MROH1: variants seen among roughly 807,000 people sequenced by gnomAD.
MROH1 encodes maestro heat like repeat family member 1, also known as maestro heat-like repeat-containing protein family member 1.
Under a neutral mutation model 116.5 loss-of-function variants are expected in MROH1, and 117 were observed. The ratio of observed to expected loss-of-function variants is 1.00; its 90% CI spans 0.86 to 1.17. The LOEUF is 1.17. Among genes scored for constraint, MROH1 ranks in the 50% most tolerant of loss-of-function variants. The pLI, the probability that MROH1 is intolerant of heterozygous loss-of-function variation, is 0.00. For synonymous variants in MROH1, 921 were observed against 583.9 expected (o/e 1.58, Z -8.32); for missense variants, 1,873 against 1,338.5 (o/e 1.40, Z -6.23).
At chr8:144,173,309 T>C (rs1822966846) in intron 4 of MROH1, among the ~76,000 whole-genome samples, 2 of 152,036 alleles carry the variant, frequency 1.3e-5, no homozygotes, top group South Asian at 4.1e-4. Flanking sequence ...GGTTTCGCCA[T>C]GTTGGCCAGG....
At position 144,245,213 on chromosome 8, in the gene MROH1, C is replaced by T; in HGVS notation, c.2824C>T (p.Leu942=). The T allele has an allele frequency of 1.3e-6, 1 of 779,198 alleles. No individual in the cohort carries two copies. The highest frequency in any genetic ancestry group is 2.4e-6 in the Non-Finnish European group (1 of 417,792). 48.3% of individuals were successfully genotyped at this position (779,198 alleles called of 1,614,324 possible). A position where few individuals can be genotyped will look rare whatever the true frequency, so the allele number is the denominator to read the frequency against. Residue 942 remains leucine (L), a synonymous_variant, in exon 29 of 44, where the codon CTG becomes TTG. Transcript: ENST00000326134. ...RGHERARALG[L]SALLLRYFLE... ...TCACGAGCGGGCGCGGGCCCTGGGC[C>T]TGAGCGCCCTCCTGCTGCGCTACTT...
intron 1 of MROH1, among the ~76,000 whole-genome samples, chr8:144,155,151 A>G (rs1194593319): frequency 1.3e-5 from 2 of 151,972 alleles, no homozygotes; most frequent in Non-Finnish European, 2.9e-5. Context: ...GGGTTCCTCC[A>G]TGTTGGTCAG....
At chr8:144,226,321 C>G (rs187193463) in intron 14 of MROH1, among the ~76,000 whole-genome samples, 2 of 152,278 alleles carry the variant, frequency 1.3e-5, no homozygotes, top group Non-Finnish European at 2.9e-5. Flanking sequence ...CTTCTCTGTA[C>G]GTTGACAAAT....
At chr8:144,168,152 G>A (rs1821416659) in intron 3 of MROH1, 143 bp from the exon 4 acceptor site, 1 of 986,232 alleles carries the variant, frequency 1.0e-6, no homozygotes, top group Non-Finnish European at 1.4e-6. Flanking sequence ...GGTTATACAA[G>A]AGAGAAAGCA....
chr8:144,177,568 A>G (rs1452911786), intron 4 of MROH1, among the ~76,000 whole-genome samples: 7 of 152,106 alleles, frequency 4.6e-5, no homozygotes, highest in African/African-American at 1.7e-4. Flanking sequence ...TAGCTGTCAG[A>G]GTGGATGAGG....
chr8:144,172,413 C>CTTT (rs1465451668), intron 4 of MROH1, among the ~76,000 whole-genome samples: 3 of 142,998 alleles, frequency 2.1e-5, no homozygotes, highest in Non-Finnish European at 4.6e-5. Flanking sequence ...TTTTTTTTTT[C>CTTT]TTTTTTTTTT....
At chr8:144,245,368 A>C (rs1841710611) in intron 29 of MROH1, 108 bp downstream of exon 29, 2 of 705,964 alleles carry the variant, frequency 2.8e-6, no homozygotes, top group Admixed American at 2.0e-5. Flanking sequence ...CTCAGGCCAC[A>C]GTCCTCTTCC....
chr8:144,234,498 G>T (rs1262407009), intron 14 of MROH1, among the ~76,000 whole-genome samples: 227 of 17,912 alleles, frequency 0.013, 2 homozygotes, highest in South Asian at 0.02. Flanking sequence ...TTTCTTTTTC[G>T]TTTTTTTTTT....
intron 29 of MROH1, among the ~76,000 whole-genome samples, chr8:144,247,036 C>T (rs1360773031): frequency 6.6e-6 from 1 of 152,256 alleles, no homozygotes; most frequent in Non-Finnish European, 1.5e-5. Flanking sequence ...GCCTGGCCCT[C>T]CTTCTTGTAG....
At chr8:144,221,399 C>T (rs372396247) in intron 13 of MROH1, among the ~76,000 whole-genome samples, 3 of 152,094 alleles carry the variant, frequency 2.0e-5, no homozygotes, top group East Asian at 1.9e-4. Context: ...TAGCTTTGGG[C>T]GGGTGGATCT....
At chr8:144,224,773 G>C (rs1485774150) in intron 14 of MROH1, among the ~76,000 whole-genome samples, 6 of 152,218 alleles carry the variant, frequency 3.9e-5, no homozygotes, top group Non-Finnish European at 7.3e-5. Context: ...ACTGTAGAGG[G>C]GGTGAGCGGC....
intron 4 of MROH1, among the ~76,000 whole-genome samples, chr8:144,169,381 C>T (rs894303414): frequency 6.6e-6 from 1 of 151,832 alleles, no homozygotes; most frequent in African/African-American, 2.4e-5. Context: ...CAGGGTCTCT[C>T]CTTTCTTCCT....
At chr8:144,198,746 C>T (rs1830468491) in intron 10 of MROH1, among the ~76,000 whole-genome samples, 1 of 152,174 alleles carries the variant, frequency 6.6e-6, no homozygotes, top group East Asian at 1.9e-4. Flanking sequence ...GGAGACTCTC[C>T]TCTTTAGTCA....
In MROH1 at chr8:144,180,501, G is replaced by C. The variant is rs563760524; in HGVS notation, c.540G>C (p.Thr180=). The C allele has an allele frequency of 1.2e-6, 2 of 1,610,996 alleles. No homozygotes were observed. Among genetic ancestry groups the C allele is most frequent in the African/African-American group, 2.7e-5 (2 of 74,932 alleles). The change falls in exon 7 of 44, where the codon ACG becomes ACC. Residue 180 remains threonine (T), a synonymous_variant. Transcript: ENST00000326134. The surrounding 1 kb of genome is among the most constrained non-coding windows in gnomAD (Gnocchi z 7.4). ...TGCTGGGCGTGGCCAAGCAGGACAC[G>C]GTGCGCGTGGCCTTCTGCTCCGGTA... ...LPVLGVAKQD[T]VRVAFCSALQ...
intron 33 of MROH1, among the ~76,000 whole-genome samples, chr8:144,253,134 A>G (rs1369780960): frequency 6.6e-6 from 1 of 151,746 alleles, no homozygotes; most frequent in African/African-American, 2.4e-5. Flanking sequence ...AGCCTGGGCA[A>G]CAGAGCAAGA....
At chr8:144,192,716 G>A (rs1828952465) in intron 10 of MROH1, 1 of 517,442 alleles carries the variant, frequency 1.9e-6, no homozygotes, top group Admixed American at 2.7e-5. Context: ...CCAGCTGGGG[G>A]AGACTGCCCT....
At chr8:144,172,636 C>G (rs1822787456) in intron 4 of MROH1, among the ~76,000 whole-genome samples, 1 of 152,096 alleles carries the variant, frequency 6.6e-6, no homozygotes, top group South Asian at 2.1e-4. Flanking sequence ...GTCTCGAACT[C>G]CTGACCTTGT....
At chr8:144,153,213 T>TG (rs1221870250) in intron 1 of MROH1, among the ~76,000 whole-genome samples, 1 of 152,100 alleles carries the variant, frequency 6.6e-6, no homozygotes, top group Non-Finnish European at 1.5e-5. Context: ...TTTTTTTTTT[T>TG]GAGATGGAGT....
In MROH1 at chr8:144,259,499, C is replaced by T. The variant is rs1271622131; in HGVS notation, c.4044+145C>T. 7 of 680,162 alleles carry T rather than the reference C, an allele frequency of 1.0e-5. No individual in the cohort carries two copies. The Admixed American group carries it at 1.4e-4, about 14-fold the overall frequency. The allele number at this position is 680,162 out of a possible 1,614,324, so 42.1% of individuals were successfully genotyped here. A position where few individuals can be genotyped will look rare whatever the true frequency, so the allele number is the denominator to read the frequency against. On this transcript the variant is annotated intron_variant, in intron 37 of 43. Transcript: ENST00000326134. ...ATGTGGATGCTAGCTACCTCCTCCC[C>T]CATGCCAGAACTCACTCAGTCCCAC...
Sources: allele counts gnomAD v4.1 joint callset (sites outside exome capture counted in the v4.1 genomes callset), GRCh38; gene constraint gnomAD v4.1.1; non-coding constraint Gnocchi (gnomAD v3.1); transcripts MANE v1.5; gene names NCBI Gene and HGNC (gene_info 2026-07-23, HGNC 2026-07-21).